ADGRL3: variants seen among roughly 807,000 people sequenced by gnomAD.
ADGRL3 encodes adhesion G protein-coupled receptor L3.
Under a neutral mutation model 153.5 loss-of-function variants are expected in ADGRL3, and 62 were observed. The ratio of observed to expected loss-of-function variants is 0.40; its 90% CI spans 0.33 to 0.50. ADGRL3 has a LOEUF of 0.50. ADGRL3 is among the 20% of genes least tolerant of loss of function. The pLI is 0.47. For missense variants in ADGRL3, 1,641 were observed against 1,859.4 expected (o/e 0.88, Z 2.16); for synonymous variants, 710 against 672.5 (o/e 1.06, Z -0.86).
At chr4:61,981,417 A>AT (rs34275900) in intron 18 of ADGRL3, among the ~76,000 whole-genome samples, 64,764 of 151,412 alleles carry the variant, frequency 0.43, 14,303 homozygotes, top group East Asian at 0.79. Flanking sequence ...CTCTTCCCAA[A>AT]TTTATTTGGC....
chr4:61,779,633 CAAAAAAAAAA>C (rs1174232668), intron 8 of ADGRL3, among the ~76,000 whole-genome samples: 179 of 42,084 alleles, frequency 4.3e-3, no homozygotes, highest in African/African-American at 0.017. Context: ...GACTCTGTCT[CAAAAAAAAAA>C]AAAAAAAAAA....
intron 8 of ADGRL3, among the ~76,000 whole-genome samples, chr4:61,748,794 G>A (rs1296517599): frequency 1.3e-5 from 2 of 151,832 alleles, no homozygotes; most frequent in Non-Finnish European, 2.9e-5. Context: ...CAGGACATAG[G>A]CATGGGCAAG....
At chr4:61,212,782 C>T (rs775911002) in intron 1 of ADGRL3, among the ~76,000 whole-genome samples, 5 of 152,058 alleles carry the variant, frequency 3.3e-5, no homozygotes, top group African/African-American at 4.8e-5. Flanking sequence ...GTACAATGAC[C>T]TTCCTTACTA....
chr4:61,941,522 C>T (rs1207681517), intron 15 of ADGRL3, among the ~76,000 whole-genome samples: 1 of 22,098 alleles, frequency 4.5e-5, no homozygotes, highest in South Asian at 2.9e-3. Flanking sequence ...TTACCTTGGG[C>T]AGTATGGCCA....
chr4:61,892,120 A>C (rs1350848345), intron 9 of ADGRL3, among the ~76,000 whole-genome samples: 1 of 152,018 alleles, frequency 6.6e-6, no homozygotes, highest in Non-Finnish European at 1.5e-5. Context: ...TTTGTGTTTA[A>C]GGAGACTATA....
chr4:61,717,227 T>A (rs1349900097), intron 6 of ADGRL3, among the ~76,000 whole-genome samples: 1 of 151,118 alleles, frequency 6.6e-6, no homozygotes, highest in Non-Finnish European at 1.5e-5. Flanking sequence ...TGTGCGTGTG[T>A]GTGTGTGTGT....
intron 6 of ADGRL3, among the ~76,000 whole-genome samples, chr4:61,693,472 A>G (rs2095577623): frequency 6.6e-6 from 1 of 152,078 alleles, no homozygotes; most frequent in Non-Finnish European, 1.5e-5. Flanking sequence ...TAAATCACCA[A>G]GAAGTTTTAA....
At chr4:61,895,586 T>G in intron 10 of ADGRL3, 145 bp from the exon 11 acceptor site, 1 of 503,918 alleles carries the variant, frequency 2.0e-6, no homozygotes, top group South Asian at 3.3e-5. Flanking sequence ...TAGTGCTAAA[T>G]GCTTACTGGC....
intron 17 of ADGRL3, among the ~76,000 whole-genome samples, chr4:61,977,822 G>T (rs1300197665): frequency 1.3e-5 from 2 of 151,916 alleles, no homozygotes; most frequent in African/African-American, 4.8e-5. Flanking sequence ...GATTCATGGG[G>T]TACATGGGCA....
At chr4:61,831,916 CA>C (rs952579221) in intron 9 of ADGRL3, among the ~76,000 whole-genome samples, 12 of 145,802 alleles carry the variant, frequency 8.2e-5, no homozygotes, top group African/African-American at 1.0e-4. Flanking sequence ...CGCTGGCTGG[CA>C]AAAAAAAAAT....
At chr4:61,454,062 G>T (rs1436731633) in intron 2 of ADGRL3, among the ~76,000 whole-genome samples, 1 of 151,996 alleles carries the variant, frequency 6.6e-6, no homozygotes, top group East Asian at 1.9e-4. Flanking sequence ...AAATCGATTT[G>T]ATTAGTATCT....
chr4:62,044,585 C>A (rs1256707921), intron 25 of ADGRL3, 36 bp downstream of exon 25: 2 of 1,375,034 alleles, frequency 1.5e-6, no homozygotes, highest in East Asian at 2.5e-5. Flanking sequence ...TATTACTTTT[C>A]TGATTACTTT....
At chr4:61,788,194 G>C (rs942091752) in intron 8 of ADGRL3, among the ~76,000 whole-genome samples, 3 of 152,178 alleles carry the variant, frequency 2.0e-5, no homozygotes, top group Admixed American at 1.3e-4. Context: ...GAGGTCCTGA[G>C]TCTATCCCAT....
At chr4:61,438,710 C>CTTTTTT (rs11372072) in intron 2 of ADGRL3, among the ~76,000 whole-genome samples, 2 of 137,938 alleles carry the variant, frequency 1.4e-5, no homozygotes, top group Non-Finnish European at 1.5e-5. Context: ...ATCTTTCTTT[C>CTTTTTT]TTTTTTTTTT....
chr4:61,676,081 GATAACCTCCAGTTCCATCTT>G (rs1428145251), intron 5 of ADGRL3, among the ~76,000 whole-genome samples: 3 of 151,702 alleles, frequency 2.0e-5, no homozygotes, highest in African/African-American at 7.3e-5. Context: ...CACTGAACAT[GATAACCTCCAGTTCCATCTT>G]ATATTTATGT....
At position 61,856,988 on chromosome 4, in the gene ADGRL3, CTT is replaced by C. The variant is rs1322891826; in HGVS notation, c.1481-35666_1481-35665del. 4.7e-3 allele frequency among the ~76,000 whole-genome samples: 556 copies of C among 118,392 alleles called. 8 individuals are homozygous for C. Among genetic ancestry groups the C allele is most frequent in the African/African-American group, 0.014 (448 of 31,736 alleles). The allele number at this position is 118,392 out of a possible 152,430, so 77.7% of individuals were successfully genotyped here. A position where few individuals can be genotyped will look rare whatever the true frequency, so the allele number is the denominator to read the frequency against. On this transcript the variant is annotated intron_variant, in intron 9 of 26. Coordinates refer to ENST00000683033, the MANE Select transcript of ADGRL3 (RefSeq NM_001387552.1). ...TCTTTCTTTCTTTCTTTCTTTCTTT[CTT>C]TCTTTCTTTCTTTCTTTCTTTCTTT...
chr4:62,021,548 A>G (rs559197263), intron 21 of ADGRL3, among the ~76,000 whole-genome samples: 8 of 152,180 alleles, frequency 5.3e-5, no homozygotes, highest in African/African-American at 1.4e-4. Context: ...TCTTTTTTGT[A>G]TTAATACTTC....
At chr4:61,459,120 C>G (rs1329433894) in intron 2 of ADGRL3, among the ~76,000 whole-genome samples, 1 of 151,406 alleles carries the variant, frequency 6.6e-6, no homozygotes, top group African/African-American at 2.4e-5. Context: ...CTTAAGTTTT[C>G]AAAATATATG....
At chr4:62,002,386 A>G (rs2099143577) in intron 21 of ADGRL3, among the ~76,000 whole-genome samples, 3 of 150,696 alleles carry the variant, frequency 2.0e-5, no homozygotes, top group East Asian at 2.0e-4. Context: ...CCCTAACGCT[A>G]TGACTGGCTG....
Sources: allele counts gnomAD v4.1 joint callset (sites outside exome capture counted in the v4.1 genomes callset), GRCh38; gene constraint gnomAD v4.1.1; transcripts MANE v1.5; gene names NCBI Gene and HGNC (gene_info 2026-07-23, HGNC 2026-07-21).